ABR: variants seen among roughly 807,000 people sequenced by gnomAD.
The protein encoded by ABR is active breakpoint cluster region-related protein.
ABR carries 35 observed loss-of-function variants against 107.2 expected under a neutral mutation model. That is an observed-to-expected ratio of 0.33 (90% CI 0.25 to 0.43). The LOEUF is 0.43. Ranked by LOEUF, ABR falls within the 20% of genes least tolerant of loss-of-function variation. The probability of loss-of-function intolerance (pLI) is 1.00; values close to 1 mark genes in which losing one functional copy is unlikely to be tolerated. For missense variants in ABR, 815 were observed against 1,115.2 expected (o/e 0.73, Z 3.83); for synonymous variants, 498 against 462.0 (o/e 1.08, Z -1.00).
chr17:1,081,868 C>T lies in ABR; in HGVS notation c.639+1652G>A, dbSNP rs932015645. 3.8e-4 allele frequency among the ~76,000 whole-genome samples: 58 copies of T among 152,196 alleles called. 2 individuals carry two copies. The highest frequency in any genetic ancestry group is 1.3e-4 in the Non-Finnish European group (9 of 68,042). On this transcript the variant is annotated intron_variant, in intron 5 of 22. Transcript: ENST00000302538. ...CTGGGATGACAGGTGTGAGCCGCCA[C>T]GCCCGGCTTCTATAGGTACGTTTCA...
At chr17:1,021,532 G>T (rs557225937) in intron 16 of ABR, among the ~76,000 whole-genome samples, 1 of 152,378 alleles carries the variant, frequency 6.6e-6, no homozygotes, top group South Asian at 2.1e-4. Context: ...TCAGCCAGGT[G>T]CGGTGGCTCA....
chr17:1,032,563 G>A (rs1257320670), intron 16 of ABR, among the ~76,000 whole-genome samples: 2 of 131,878 alleles, frequency 1.5e-5, no homozygotes, highest in Admixed American at 8.4e-5. Context: ...GCAACCACCC[G>A]CGTCCGTGCT....
At chr17:1,091,576 G>A in intron 4 of ABR, 89 bp downstream of exon 4, 1 of 1,458,426 alleles carries the variant, frequency 6.9e-7, no homozygotes, top group East Asian at 2.3e-5. Flanking sequence ...GAGTCCGAGA[G>A]GGCTGCCCGG....
intron 2 of ABR, among the ~76,000 whole-genome samples, chr17:1,124,322 G>A (rs369221720): frequency 2.0e-5 from 3 of 152,148 alleles, no homozygotes; most frequent in African/African-American, 4.8e-5. Context: ...AAGGCAGGAC[G>A]GAGACCCCCT....
rs1438664327 is a variant in ABR at position 1,071,470 on chromosome 17, G to A, written c.894+1144C>T. On this transcript the variant is annotated intron_variant, in intron 8 of 22. Transcript: ENST00000302538. The surrounding 1 kb of genome is among the most constrained non-coding windows in gnomAD (Gnocchi z 5.1). ...CACCCGGGCCCGGCTGCCAATCCAC[G>A]AAGGCAACTGTCCCTCTCATGCTTC... Among the ~76,000 whole-genome samples the A allele has an allele frequency of 6.6e-6, 1 of 152,162 alleles. No homozygotes were observed. Among genetic ancestry groups the A allele is most frequent in the East Asian group, 1.9e-4 (1 of 5,188 alleles).
At chr17:1,175,129 T>C (rs951759294) in intron 1 of ABR, among the ~76,000 whole-genome samples, 7 of 152,190 alleles carry the variant, frequency 4.6e-5, no homozygotes, top group Non-Finnish European at 7.3e-5. Flanking sequence ...CAAGAAAACA[T>C]GGCCGGGCGC....
At chr17:1,215,438 G>A (rs1432470448) in intron 1 of ABR, among the ~76,000 whole-genome samples, 3 of 152,192 alleles carry the variant, frequency 2.0e-5, no homozygotes, top group Non-Finnish European at 4.4e-5. Context: ...ACGGGGTTTC[G>A]CTGTGTTGGC....
chr17:1,036,065 G>A (rs2073160838), intron 16 of ABR, among the ~76,000 whole-genome samples: 1 of 152,090 alleles, frequency 6.6e-6, no homozygotes, highest in South Asian at 2.1e-4. Flanking sequence ...CAGGAGGAAG[G>A]TTCTGCCTCA....
chr17:1,040,330 C>T (rs2030161029), intron 16 of ABR, among the ~76,000 whole-genome samples: 1 of 152,228 alleles, frequency 6.6e-6, no homozygotes, highest in African/African-American at 2.4e-5. Context: ...TCTCTGCAAG[C>T]TTCCTCGTGC....
At chr17:1,112,434 G>C (rs965787814) in intron 2 of ABR, among the ~76,000 whole-genome samples, 3 of 152,348 alleles carry the variant, frequency 2.0e-5, no homozygotes, top group Admixed American at 2.0e-4. Flanking sequence ...GAAAGGAAAG[G>C]GTTAAGCAGC....
At chr17:1,221,602 A>G (rs1157467960) in intron 1 of ABR, among the ~76,000 whole-genome samples, 2 of 152,144 alleles carry the variant, frequency 1.3e-5, no homozygotes, top group African/African-American at 4.8e-5. Flanking sequence ...CTATCGACCA[A>G]TCCCAGGTTC....
intron 1 of ABR, among the ~76,000 whole-genome samples, chr17:1,216,764 T>C (rs2043017902): frequency 6.6e-6 from 1 of 152,306 alleles, no homozygotes; most frequent in Middle Eastern, 3.4e-3. Context: ...CTGGGTCTGG[T>C]GGCCAAAGGG....
chr17:1,048,919 T>A (rs927583435), intron 16 of ABR, among the ~76,000 whole-genome samples: 2 of 152,190 alleles, frequency 1.3e-5, no homozygotes. Flanking sequence ...CTTCATTTCA[T>A]GGTCACAGAA....
At chr17:1,172,594 C>G (rs1369014794) in intron 1 of ABR, among the ~76,000 whole-genome samples, 4 of 152,012 alleles carry the variant, frequency 2.6e-5, no homozygotes, top group African/African-American at 9.7e-5. Context: ...ACTAAAAATA[C>G]AAAAATTAGC....
intron 2 of ABR, among the ~76,000 whole-genome samples, chr17:1,124,958 C>T (rs1442318670): frequency 5.3e-5 from 8 of 151,824 alleles, no homozygotes; most frequent in East Asian, 1.9e-4. Context: ...GGCTAGTAGA[C>T]GGGGAGAGAC....
intron 10 of ABR, among the ~76,000 whole-genome samples, chr17:1,065,631 G>T (rs1009575547): frequency 1.3e-5 from 2 of 152,184 alleles, no homozygotes; most frequent in Admixed American, 1.3e-4. Flanking sequence ...TGCATCCATG[G>T]GTACTGGTAT....
chr17:1,110,218 C>T (rs1322039657), intron 2 of ABR, among the ~76,000 whole-genome samples: 2 of 151,978 alleles, frequency 1.3e-5, no homozygotes, highest in African/African-American at 4.8e-5. Context: ...AGGCCACATT[C>T]TGGTCCCCCT....
intron 1 of ABR, among the ~76,000 whole-genome samples, chr17:1,172,223 C>T (rs187921321): frequency 5.6e-4 from 85 of 152,328 alleles, no homozygotes; most frequent in Admixed American, 2.2e-3. Flanking sequence ...CAGATGGTCC[C>T]GCCTCAAAGG....
At chr17:1,033,709 A>G (rs2072972599) in intron 16 of ABR, among the ~76,000 whole-genome samples, 1 of 152,112 alleles carries the variant, frequency 6.6e-6, no homozygotes, top group Non-Finnish European at 1.5e-5. Context: ...AACTTCCTCA[A>G]ACCTGAGCTG....
Sources: allele counts gnomAD v4.1 joint callset (sites outside exome capture counted in the v4.1 genomes callset), GRCh38; gene constraint gnomAD v4.1.1; non-coding constraint Gnocchi (gnomAD v3.1); transcripts MANE v1.5; gene names NCBI Gene and HGNC (gene_info 2026-07-23, HGNC 2026-07-21).